Variants in DYNC2I2 observed in about 807,000 individuals in gnomAD.
DYNC2I2 encodes the protein dynein 2 intermediate chain 2, also known as cytoplasmic dynein 2 intermediate chain 2.
A neutral mutation model predicts 52.0 loss-of-function variants in DYNC2I2; 39 were observed. That is an observed-to-expected ratio of 0.75 (90% CI 0.58 to 0.98). The LOEUF (loss-of-function observed/expected upper bound fraction) is 0.98, where lower values mean the gene tolerates loss of function less well. Ranked by LOEUF, DYNC2I2 falls within the 50% of genes least tolerant of loss-of-function variation. DYNC2I2 has a pLI of 0.00. For synonymous variants in DYNC2I2, 359 were observed against 321.1 expected (o/e 1.12, Z -1.26); for missense variants, 743 against 728.4 (o/e 1.02, Z -0.23).
chr9:128,652,826 G>A (rs1429057203), intron 1 of DYNC2I2, among the ~76,000 whole-genome samples: 1 of 150,462 alleles, frequency 6.6e-6, no homozygotes, highest in Non-Finnish European at 1.5e-5. Context: ...GCTGAGGCAG[G>A]AGAATCACTT....
chr9:128,644,275 C>CTTTTT lies in DYNC2I2; in HGVS notation c.187-3341_187-3337dup, dbSNP rs10660438. Among the ~76,000 whole-genome samples the CTTTTT allele has an allele frequency of 6.1e-5, 9 of 146,856 alleles. 3 individuals are homozygous for CTTTTT. The highest frequency in any genetic ancestry group is 8.9e-5 in the Non-Finnish European group (6 of 67,090). On this transcript the variant is annotated intron_variant, in intron 1 of 8. Transcript: ENST00000372715. ...GGTGATCGACTTGAACCCAGGCGGCCTTTTTTTTTTTTTGAGACAGGGTCT... is the reference window on the plus strand; with the variant it reads ...GGTGATCGACTTGAACCCAGGCGGCCTTTTTTTTTTTTTTTTTTGAGACAGGGTCT...
At chr9:128,680,831 C>T in the DYNC2I2 span, among the ~76,000 whole-genome samples, 4 of 151,874 alleles carry the variant, frequency 2.6e-5, no homozygotes, top group Non-Finnish European at 4.4e-5. Context: ...TGTGCCACCA[C>T]GCCCAGCTAA....
Position 128,650,631 on chromosome 9 carries a change from G to A in DYNC2I2, c.186+5910C>T, listed in dbSNP as rs1236067815. On this transcript the variant is annotated intron_variant, in intron 1 of 8. Coordinates refer to ENST00000372715, the MANE Select transcript of DYNC2I2 (RefSeq NM_052844.4). The stretch of plus-strand genomic sequence containing the variant: ...TCAGGCTGGTCTTCAACTCCCAGTC[G>A]ACCTCAGTTGATCTGCAAGGCTCAG... 1.5e-4 allele frequency among the ~76,000 whole-genome samples: 8 copies of A among 52,084 alleles called. 2 individuals are homozygous for A. The highest frequency in any genetic ancestry group is 3.1e-4 in the African/African-American group (8 of 25,416). 34.2% of individuals were successfully genotyped at this position (52,084 alleles called of 152,430 possible).
the DYNC2I2 span, among the ~76,000 whole-genome samples, chr9:128,667,958 CTT>C: frequency 1.5e-3 from 81 of 52,874 alleles, no homozygotes; most frequent in Non-Finnish European, 1.9e-3. Context: ...GTCTCGATCT[CTT>C]TTTTTTTTTT....
intron 5 of DYNC2I2, 36 bp from the exon 6 acceptor site, chr9:128,635,295 A>G (rs1860372989): frequency 6.2e-7 from 1 of 1,603,932 alleles, no homozygotes; most frequent in East Asian, 2.2e-5. Context: ...GATGGAGACA[A>G]GGGACACCTG....
the DYNC2I2 span, chr9:128,683,294 A>T: frequency 9.2e-4 from 49 of 53,206 alleles, no homozygotes; most frequent in East Asian, 1.5e-3. Flanking sequence ...TTTTTTTTTT[A>T]AAGCAGGCAT....
At chr9:128,668,672 T>G in the DYNC2I2 span, among the ~76,000 whole-genome samples, 3 of 151,046 alleles carry the variant, frequency 2.0e-5, no homozygotes, top group East Asian at 6.0e-4. Context: ...AATACAAAAA[T>G]TAGCAGGGAT....
intron 2 of DYNC2I2, among the ~76,000 whole-genome samples, chr9:128,638,176 G>A (rs1860448916): frequency 6.7e-6 from 1 of 148,696 alleles, no homozygotes; most frequent in Non-Finnish European, 1.5e-5. Flanking sequence ...CACAGAGGTT[G>A]CACTGCTGCT....
chr9:128,645,318 A>G (rs1036836761), intron 1 of DYNC2I2, among the ~76,000 whole-genome samples: 3 of 152,128 alleles, frequency 2.0e-5, no homozygotes, highest in Non-Finnish European at 1.5e-5. Flanking sequence ...CAACACAGCA[A>G]AACTCCATCT....
intron 1 of DYNC2I2, among the ~76,000 whole-genome samples, chr9:128,642,546 G>A (rs879886254): frequency 7.3e-5 from 11 of 151,568 alleles, no homozygotes; most frequent in Admixed American, 1.3e-4. Flanking sequence ...CGAGGCGGGC[G>A]GATCACAAGG....
At chr9:128,672,074 C>A in the DYNC2I2 span, among the ~76,000 whole-genome samples, 9 of 147,588 alleles carry the variant, frequency 6.1e-5, no homozygotes, top group South Asian at 4.4e-4. Context: ...CCTGGGTTCA[C>A]ACCATTCTCC....
At chr9:128,639,258 CGT>C (rs1860466880) in intron 2 of DYNC2I2, among the ~76,000 whole-genome samples, 1 of 151,328 alleles carries the variant, frequency 6.6e-6, no homozygotes. Context: ...ATTAGCCGGG[CGT>C]GGTGGCGGGT....
chr9:128,655,672 G>A (rs1589438068), intron 1 of DYNC2I2, among the ~76,000 whole-genome samples: 1 of 151,468 alleles, frequency 6.6e-6, no homozygotes, highest in South Asian at 2.1e-4. Context: ...CACTTTGGAA[G>A]GCCGAGGAGG....
intron 1 of DYNC2I2, among the ~76,000 whole-genome samples, chr9:128,654,186 A>G (rs1860773461): frequency 6.6e-6 from 1 of 152,186 alleles, no homozygotes; most frequent in South Asian, 2.1e-4. Context: ...CAAAGCGGGA[A>G]GTGCGTGCAA....
upstream of DYNC2I2, among the ~76,000 whole-genome samples, chr9:128,660,040 A>G (rs1860899668): frequency 6.7e-6 from 1 of 148,542 alleles, no homozygotes; most frequent in Admixed American, 6.7e-5. Context: ...GTCTTCCAGC[A>G]TGGGTGCCAG....
At position 128,634,840 on chromosome 9, in the gene DYNC2I2, C is replaced by G. The variant is rs778703897; in HGVS notation, c.1063G>C (p.Glu355Gln). The change falls in exon 7 of 9, where the codon GAA becomes CAA. Residue 355 changes from glutamate to glutamine, a missense_variant. By Grantham distance (29) the Glu-to-Gln change is conservative (BLOSUM62 2). Coordinates refer to ENST00000372715, the MANE Select transcript of DYNC2I2 (RefSeq NM_052844.4). ...GAACACTTGAGCGGGAAGCCGCCTT[C>G]CGTGCCCAGAATGAACAGCCTAGGG... ...FDPRLFILGT[E>Q]GGFPLKCSLA... 1.6e-5 allele frequency: 26 copies of G among 1,613,538 alleles called. No individual in the cohort carries two copies. The highest frequency in any genetic ancestry group is 2.2e-5 in the Non-Finnish European group (26 of 1,179,948).
Position 128,656,710 on chromosome 9 carries a change from T to A in DYNC2I2, c.17A>T (p.Gln6Leu), listed in dbSNP as rs1029015173. 2.1e-6 allele frequency: 3 copies of A among 1,433,288 alleles called. No homozygotes were observed. Among genetic ancestry groups the A allele is most frequent in the Non-Finnish European group, 2.7e-6 (3 of 1,102,468 alleles). 88.8% of individuals were successfully genotyped at this position (1,433,288 alleles called of 1,614,324 possible). A position where few individuals can be genotyped will look rare whatever the true frequency, so the allele number is the denominator to read the frequency against. The change falls in exon 1 of 9, where the codon CAG (glutamine) becomes CTG (leucine). Residue 6 changes from glutamine to leucine, a missense_variant. By Grantham distance (113) the Gln-to-Leu change is moderately radical. Transcript: ENST00000372715. MATRA[Q>L]PGPLSQAGSA... is the part of the protein sequence containing the mutation. ...TCCCGCCTGGCTGAGTGGCCCCGGC[T>A]GCGCGCGGGTTGCCATGGAGACGGT...
intron 2 of DYNC2I2, 36 bp downstream of exon 2, chr9:128,640,655 G>A (rs1280178354): frequency 6.3e-7 from 1 of 1,592,636 alleles, no homozygotes; most frequent in Non-Finnish European, 8.6e-7. Context: ...AGTGGGGCAG[G>A]GGCTCGACCC....
At chr9:128,634,008 G>T in intron 8 of DYNC2I2, 26 bp from the exon 9 acceptor site, 1 of 1,611,502 alleles carries the variant, frequency 6.2e-7, no homozygotes, top group Non-Finnish European at 8.5e-7. Flanking sequence ...GATACGTGGA[G>T]TAAGAGAAAC....
Sources: allele counts gnomAD v4.1 joint callset (sites outside exome capture counted in the v4.1 genomes callset), GRCh38; gene constraint gnomAD v4.1.1; transcripts MANE v1.5; gene names NCBI Gene and HGNC (gene_info 2026-07-23, HGNC 2026-07-21).